The following KMT2C variants were observed in gnomAD, a reference collection of about 807,000 sequenced individuals.
The protein encoded by KMT2C is histone-lysine N-methyltransferase 2C.
In KMT2C, 88 loss-of-function variants were observed where a neutral mutation model predicts 507.9. The ratio of observed to expected loss-of-function variants is 0.17; its 90% CI spans 0.15 to 0.21. The LOEUF (loss-of-function observed/expected upper bound fraction) is 0.21, where lower values mean the gene tolerates loss of function less well. Among genes scored for constraint, KMT2C ranks in the 10% least tolerant of loss-of-function variants. KMT2C has a pLI of 1.00. For synonymous variants in KMT2C, 2,049 were observed against 2,080.8 expected, an observed-to-expected ratio of 0.98 and a Z score of 0.42; for missense variants, 4,954 against 5,957.8, an observed-to-expected ratio of 0.83 and a Z score of 5.55.
In KMT2C at chr7:152,181,369, C is replaced by A; in HGVS notation, c.6491G>T (p.Gly2164Val). ...SNTDPYSQPPGTPRPTTVDPY... is the reference protein window; with the variant it reads ...SNTDPYSQPPVTPRPTTVDPY... ...GTCAACAGTAGTAGGCCGGGGAGTT[C>A]CAGGAGGTTGAGAGTAAGGGTCTGT... Residue 2164 changes from glycine (G) to valine (V), a missense_variant, in exon 36 of 59, where the codon GGA (glycine) becomes GTA (valine). Gly to Val is a moderately radical substitution (Grantham distance 109). Coordinates refer to ENST00000262189, the MANE Select transcript of KMT2C (RefSeq NM_170606.3). The A allele has an allele frequency of 6.2e-7, 1 of 1,613,776 alleles. No homozygotes were observed. The highest frequency in any genetic ancestry group is 8.5e-7 in the Non-Finnish European group (1 of 1,179,976).
chr7:152,355,482 A>C (rs1772787260), intron 2 of KMT2C, among the ~76,000 whole-genome samples: 1 of 152,196 alleles, frequency 6.6e-6, no homozygotes, highest in Non-Finnish European at 1.5e-5. Flanking sequence ...AAACTGAATA[A>C]GACCACCTAA....
At chr7:152,159,994 C>T (rs1398791080) in intron 43 of KMT2C, among the ~76,000 whole-genome samples, 1 of 152,190 alleles carries the variant, frequency 6.6e-6, no homozygotes, top group South Asian at 2.1e-4. Context: ...CCTCTGTAGG[C>T]CATACAGCCC....
intron 10 of KMT2C, 133 bp from the exon 11 acceptor site, chr7:152,252,223 C>T: frequency 1.5e-6 from 1 of 645,180 alleles, no homozygotes; most frequent in Non-Finnish European, 2.5e-6. Context: ...AGAGGAGTTG[C>T]TAACTGACAA....
At chr7:152,170,101 A>G (rs1160956508) in intron 40 of KMT2C, among the ~76,000 whole-genome samples, 1 of 152,220 alleles carries the variant, frequency 6.6e-6, no homozygotes, top group African/African-American at 2.4e-5. Flanking sequence ...ACTACAAAGC[A>G]GTTGGTTTAA....
intron 9 of KMT2C, among the ~76,000 whole-genome samples, chr7:152,262,656 A>G (rs537704769): frequency 6.6e-6 from 1 of 152,372 alleles, no homozygotes; most frequent in East Asian, 1.9e-4. Context: ...GATGAATTTC[A>G]AAATAATTAC....
At chr7:152,367,503 C>A in intron 1 of KMT2C, 1 of 958,718 alleles carries the variant, frequency 1.0e-6, no homozygotes, top group African/African-American at 1.6e-5. Context: ...CAGGTGTGAG[C>A]CACCTTACCC....
Position 152,148,142 on chromosome 7 carries a change from G to C in KMT2C, c.13785C>G (p.Arg4595=). Residue 4595 remains arginine, a synonymous_variant, in exon 52 of 59, where the codon CGC becomes CGG. Transcript: ENST00000262189. The surrounding 1 kb of genome is among the most constrained non-coding windows in gnomAD (Gnocchi z 7.1). The part of the protein sequence containing the change: ...LYWSTRYANR[R]CRYLCSIEEK... ...CCTCAATGGAGCACAGGTAGCGGCA[G>C]CGCCTATTGGCATAGCGAGTGCTCC... 6.2e-7 allele frequency: 1 copy of C among 1,614,010 alleles called. No individual in the cohort carries two copies. The highest frequency in any genetic ancestry group is 8.5e-7 in the Non-Finnish European group (1 of 1,179,852).
chr7:152,400,708 T>C (rs1230243162), intron 1 of KMT2C, among the ~76,000 whole-genome samples: 4 of 152,236 alleles, frequency 2.6e-5, no homozygotes, highest in Admixed American at 2.6e-4. Flanking sequence ...TATTCTTTCT[T>C]AGCTATTTAT....
intron 6 of KMT2C, among the ~76,000 whole-genome samples, chr7:152,283,144 C>T (rs1588888564): frequency 6.6e-6 from 1 of 152,286 alleles, no homozygotes; most frequent in East Asian, 1.9e-4. Flanking sequence ...ATACACATAA[C>T]TTCCACATAA....
At position 152,339,827 on chromosome 7, in the gene KMT2C, G is replaced by T. The variant is rs144099253; in HGVS notation, c.251-9088C>A. The stretch of plus-strand genomic sequence containing the variant: ...ATTAATATTATATAATATAAAGCAA[G>T]CAGATAAATCTCATATATAGATACA... On this transcript the variant is annotated intron_variant, in intron 2 of 58. Coordinates refer to ENST00000262189, the MANE Select transcript of KMT2C (RefSeq NM_170606.3). 5.7e-4 allele frequency among the ~76,000 whole-genome samples: 86 copies of T among 152,162 alleles called. No individual in the cohort carries two copies. The East Asian group carries it at 0.016, about 28-fold the overall frequency.
In KMT2C at chr7:152,148,020, C is replaced by G; in HGVS notation, c.13894+13G>C. ...TAAGTAGCACTGCACAGCATGTGAA[C>G]GGCAGACGTTACCTTTAGGTGAGAT... On this transcript the variant is annotated intron_variant, in intron 52 of 58. Transcript: ENST00000262189. The surrounding 1 kb of genome is among the most constrained non-coding windows in gnomAD (Gnocchi z 7.1). 1 of 1,555,530 alleles carries G rather than the reference C, an allele frequency of 6.4e-7. No individual in the cohort carries two copies. Among genetic ancestry groups the G allele is most frequent in the Non-Finnish European group, 8.7e-7 (1 of 1,147,304 alleles).
chr7:152,205,798 G>A (rs558795051), intron 24 of KMT2C, among the ~76,000 whole-genome samples: 72 of 152,312 alleles, frequency 4.7e-4, no homozygotes, highest in African/African-American at 1.6e-3. Flanking sequence ...TTCACGCAAC[G>A]ATGAAAATGC....
At chr7:152,217,819 A>C (rs1281653231) in intron 23 of KMT2C, among the ~76,000 whole-genome samples, 2 of 152,236 alleles carry the variant, frequency 1.3e-5, no homozygotes, top group East Asian at 3.8e-4. Flanking sequence ...TTTAAAAGGT[A>C]TTATAATCTC....
intron 1 of KMT2C, among the ~76,000 whole-genome samples, chr7:152,390,803 T>C (rs2097487046): frequency 6.6e-6 from 1 of 152,104 alleles, no homozygotes; most frequent in Non-Finnish European, 1.5e-5. Flanking sequence ...CTGTGCCAGA[T>C]GTATAAGATA....
intron 27 of KMT2C, 94 bp from the exon 28 acceptor site, chr7:152,196,105 G>A: frequency 1.9e-6 from 1 of 522,644 alleles, no homozygotes; most frequent in Non-Finnish European, 3.3e-6. Context: ...TACTGAGTGA[G>A]GCAAGTACTG....
intron 1 of KMT2C, among the ~76,000 whole-genome samples, chr7:152,384,995 A>G (rs911341794): frequency 6.6e-6 from 1 of 152,184 alleles, no homozygotes; most frequent in African/African-American, 2.4e-5. Context: ...CTAATGTCAC[A>G]AAAAGAGACA....
chr7:152,200,177 T>C (rs898686679), intron 26 of KMT2C, among the ~76,000 whole-genome samples: 5 of 152,154 alleles, frequency 3.3e-5, no homozygotes, highest in African/African-American at 1.2e-4. Flanking sequence ...GGATCCTCCA[T>C]ACAGGACAAT....
intron 1 of KMT2C, among the ~76,000 whole-genome samples, chr7:152,388,940 G>C (rs1468842243): frequency 6.6e-6 from 1 of 151,990 alleles, no homozygotes; most frequent in Admixed American, 6.6e-5. Flanking sequence ...TAGAGACAGG[G>C]TTTCTCCGTG....
At chr7:152,332,851 A>AACACACACACACACACACACAC in intron 2 of KMT2C, among the ~76,000 whole-genome samples, 1 of 138,604 alleles carries the variant, frequency 7.2e-6, no homozygotes, top group South Asian at 2.4e-4. Flanking sequence ...TGCGTCTCAA[A>AACACACACACACACACACACAC]ACACACACAC....
Sources: allele counts gnomAD v4.1 joint callset (sites outside exome capture counted in the v4.1 genomes callset), GRCh38; gene constraint gnomAD v4.1.1; non-coding constraint Gnocchi (gnomAD v3.1); transcripts MANE v1.5; gene names NCBI Gene and HGNC (gene_info 2026-07-23, HGNC 2026-07-21).